The following CMSS1 variants were observed in gnomAD, a reference collection of about 807,000 sequenced individuals.
CMSS1 encodes the protein protein CMSS1.
In CMSS1, 33 loss-of-function variants were observed where a neutral mutation model predicts 43.5. The observed-to-expected ratio is 0.76, with a 90% CI of 0.57 to 1.01. The LOEUF (loss-of-function observed/expected upper bound fraction) is 1.01, where lower values mean the gene tolerates loss of function less well. Ranked by LOEUF, CMSS1 falls within the 50% of genes least tolerant of loss-of-function variation. The probability of loss-of-function intolerance (pLI) is 0.00; values close to 1 mark genes in which losing one functional copy is unlikely to be tolerated. For synonymous variants in CMSS1, 115 were observed against 117.2 expected (o/e 0.98, Z 0.12); for missense variants, 313 against 326.4 (o/e 0.96, Z 0.32).
At chr3:99,867,143 C>G (rs1472164441) in intron 1 of CMSS1, among the ~76,000 whole-genome samples, 1 of 152,148 alleles carries the variant, frequency 6.6e-6, no homozygotes, top group African/African-American at 2.4e-5. Flanking sequence ...CAAAATATGA[C>G]AGTGGTCAAC....
In CMSS1 at chr3:100,078,807, C is replaced by G. The variant is rs1028852194; in HGVS notation, c.65-68166C>G. Among the ~76,000 whole-genome samples, 6 of 152,166 alleles carry G rather than the reference C, an allele frequency of 3.9e-5. No homozygotes were observed. In the East Asian group the frequency reaches 1.2e-3, roughly 29 times the overall value. ...TCGGGAGGCTAAGGCCGGAAAATCC[C>G]TTGAACCTGGGAGGTGGAGGCTGCA... On this transcript the variant is annotated intron_variant, in intron 1 of 9. Coordinates refer to ENST00000421999, the MANE Select transcript of CMSS1 (RefSeq NM_032359.4).
chr3:100,161,591 C>T (rs2067024118), intron 3 of CMSS1, among the ~76,000 whole-genome samples: 1 of 152,102 alleles, frequency 6.6e-6, no homozygotes, highest in South Asian at 2.1e-4. Flanking sequence ...GGGGAATGCT[C>T]CTTCTGGATC....
rs1420112893 is a variant in CMSS1 at position 100,139,555 on chromosome 3, G to A, written c.65-7418G>A. Among the ~76,000 whole-genome samples, 28 of 148,516 alleles carry A rather than the reference G, an allele frequency of 1.9e-4. No homozygotes were observed. The East Asian group carries it at 5.3e-3, about 28-fold the overall frequency. On this transcript the variant is annotated intron_variant, in intron 1 of 9. Coordinates refer to ENST00000421999, the MANE Select transcript of CMSS1 (RefSeq NM_032359.4). ...TGTGTGTGTGTGTGTGTGTGTGTGTGTGTGTGTGTGTATGTATATATATGT... is the reference window on the plus strand; with the variant it reads ...TGTGTGTGTGTGTGTGTGTGTGTGTATGTGTGTGTGTATGTATATATATGT...
intron 1 of CMSS1, among the ~76,000 whole-genome samples, chr3:99,984,690 G>T (rs79757922): frequency 6.6e-6 from 1 of 152,144 alleles, no homozygotes; most frequent in South Asian, 2.1e-4. Context: ...TGGCTACTGT[G>T]GGGGAGGGAA....
intron 1 of CMSS1, among the ~76,000 whole-genome samples, chr3:100,137,225 G>T (rs1208006424): frequency 2.0e-5 from 3 of 152,216 alleles, no homozygotes; most frequent in Admixed American, 6.5e-5. Flanking sequence ...AAGTACAGCT[G>T]TGTATCCAGC....
chr3:99,865,377 T>C (rs1393418369), intron 1 of CMSS1, among the ~76,000 whole-genome samples: 2 of 152,142 alleles, frequency 1.3e-5, no homozygotes, highest in Non-Finnish European at 2.9e-5. Flanking sequence ...TCATGAGCCA[T>C]CCTCTCCAGT....
intron 1 of CMSS1, among the ~76,000 whole-genome samples, chr3:99,952,691 A>C (rs146049931): frequency 6.6e-6 from 1 of 152,210 alleles, no homozygotes; most frequent in African/African-American, 2.4e-5. Flanking sequence ...TTTCTACCCT[A>C]TATTTTTAAA....
chr3:100,130,283 T>A (rs1021672489), intron 1 of CMSS1, among the ~76,000 whole-genome samples: 2 of 152,212 alleles, frequency 1.3e-5, no homozygotes, highest in Non-Finnish European at 2.9e-5. Flanking sequence ...CCCTTTCACA[T>A]TTGGGAAAGA....
chr3:99,952,041 A>T (rs1708191367), intron 1 of CMSS1, among the ~76,000 whole-genome samples: 1 of 152,184 alleles, frequency 6.6e-6, no homozygotes, highest in African/African-American at 2.4e-5. Context: ...ATTCCAGTGG[A>T]CCATATGTAA....
At chr3:99,946,763 A>G (rs1708020339) in intron 1 of CMSS1, among the ~76,000 whole-genome samples, 1 of 152,188 alleles carries the variant, frequency 6.6e-6, no homozygotes, top group Non-Finnish European at 1.5e-5. Flanking sequence ...TTTAGCCTTT[A>G]GTAGGGACTG....
chr3:99,938,076 C>CGT (rs1343702369), intron 1 of CMSS1, among the ~76,000 whole-genome samples: 90 of 62,214 alleles, frequency 1.4e-3, no homozygotes, highest in African/African-American at 6.2e-3. Flanking sequence ...TGTGTGTGTG[C>CGT]GCGCGCGCGC....
intron 1 of CMSS1, among the ~76,000 whole-genome samples, chr3:99,987,315 G>A (rs1046064632): frequency 6.6e-6 from 1 of 151,770 alleles, no homozygotes; most frequent in Non-Finnish European, 1.5e-5. Flanking sequence ...GATCATTTGA[G>A]GTCAGGAGTT....
At chr3:99,882,888 G>A (rs963956942) in intron 1 of CMSS1, among the ~76,000 whole-genome samples, 1 of 152,178 alleles carries the variant, frequency 6.6e-6, no homozygotes, top group African/African-American at 2.4e-5. Context: ...TTTATAGATT[G>A]CTGCTTATCA....
chr3:100,009,243 A>G lies in CMSS1; in HGVS notation c.65-137730A>G, dbSNP rs1473538756. Among the ~76,000 whole-genome samples the G allele has an allele frequency of 5.3e-5, 8 of 152,220 alleles. No homozygotes were observed. The South Asian group carries it at 1.0e-3, about 20-fold the overall frequency. Reference sequence around the variant, plus strand: ...TGGATTTTAACCTACGGTATTATCAAGAATATAAGATCTATCTTCAGTTCA... The same window carrying G: ...TGGATTTTAACCTACGGTATTATCAGGAATATAAGATCTATCTTCAGTTCA... On this transcript the variant is annotated intron_variant, in intron 1 of 9. Coordinates refer to ENST00000421999, the MANE Select transcript of CMSS1 (RefSeq NM_032359.4).
chr3:99,982,096 T>C (rs1399712698), intron 1 of CMSS1, among the ~76,000 whole-genome samples: 1 of 152,252 alleles, frequency 6.6e-6, no homozygotes, highest in Non-Finnish European at 1.5e-5. Flanking sequence ...CGGTTGTTAG[T>C]CTTGGTTTTG....
intron 1 of CMSS1, among the ~76,000 whole-genome samples, chr3:100,026,176 G>A (rs2064917136): frequency 6.6e-6 from 1 of 152,178 alleles, no homozygotes; most frequent in Non-Finnish European, 1.5e-5. Context: ...ATCTGGAAGA[G>A]TAGGCTGTAG....
intron 1 of CMSS1, among the ~76,000 whole-genome samples, chr3:99,916,931 AATTC>A (rs1339934485): frequency 6.6e-6 from 1 of 152,190 alleles, no homozygotes; most frequent in Non-Finnish European, 1.5e-5. Flanking sequence ...ATGAGTTGCA[AATTC>A]AGGATACAGT....
rs540765008 is a variant in CMSS1 at position 99,888,932 on chromosome 3, A to G, written c.64+70889A>G. ...AATTTTTATAAACATATTTTTAGGT[A>G]GAGGAAGAGCATCTTTTTTGTCATT... On this transcript the variant is annotated intron_variant, in intron 1 of 9. Transcript: ENST00000421999. 2.6e-5 allele frequency among the ~76,000 whole-genome samples: 4 copies of G among 152,294 alleles called. 1 individual carries two copies. Among genetic ancestry groups the G allele is most frequent in the South Asian group, 2.1e-4 (1 of 4,824 alleles).
intron 1 of CMSS1, among the ~76,000 whole-genome samples, chr3:100,104,817 C>T (rs963633277): frequency 7.9e-5 from 12 of 152,146 alleles, no homozygotes; most frequent in African/African-American, 2.9e-4. Context: ...CCCTTACCCC[C>T]AAAACTGGCT....
Sources: gnomAD v4.1 joint callset for allele counts (sites outside exome capture counted in the v4.1 genomes callset) on GRCh38, gnomAD v4.1.1 for gene constraint, MANE v1.5 for transcripts, NCBI Gene and HGNC (gene_info 2026-07-23, HGNC 2026-07-21) for gene names.